The following PALLD variants were observed in gnomAD, a reference collection of about 807,000 sequenced individuals.
The protein encoded by PALLD is palladin.
PALLD carries 61 observed loss-of-function variants against 123.5 expected under a neutral mutation model. That is an observed-to-expected ratio of 0.49 (90% CI 0.40 to 0.61). The LOEUF (loss-of-function observed/expected upper bound fraction) is 0.61, where lower values mean the gene tolerates loss of function less well. Ranked by LOEUF, PALLD falls within the 20% of genes least tolerant of loss-of-function variation. PALLD has a pLI of 0.00. For synonymous variants in PALLD, 465 were observed against 496.4 expected (o/e 0.94, Z 0.84); for missense variants, 1,273 against 1,377.0 (o/e 0.92, Z 1.20).
rs1436509422 is a variant in PALLD, at chr4:168,755,986, C to T, written c.1964+44063C>T. 1.8e-5 allele frequency: 3 copies of T among 164,098 alleles called. No homozygotes were observed. The East Asian group carries it at 5.6e-4, about 31-fold the overall frequency. 10.2% of individuals were successfully genotyped at this position (164,098 alleles called of 1,614,324 possible). ...AGAAAAAGCAGAGGCTCCAGATTGA[C>T]AAATGCTGAGAAGATGGGAATTGGC... is the stretch of plus-strand genomic sequence containing the variant. On this transcript the variant is annotated intron_variant, in intron 10 of 21. Transcript: ENST00000505667.
chr4:168,714,994 C>G (rs1400594304), intron 10 of PALLD, among the ~76,000 whole-genome samples: 1 of 152,120 alleles, frequency 6.6e-6, no homozygotes, highest in Non-Finnish European at 1.5e-5. Flanking sequence ...GCCCAGCCCC[C>G]ACCCTGTACT....
At chr4:168,598,392 C>G (rs758208868) in intron 2 of PALLD, 2 of 623,858 alleles carry the variant, frequency 3.2e-6, no homozygotes, top group Admixed American at 1.9e-5. Context: ...GTTAAGCTGT[C>G]AGCACCAAGC....
At chr4:168,507,018 C>T (rs1316409988) in intron 1 of PALLD, among the ~76,000 whole-genome samples, 1 of 152,126 alleles carries the variant, frequency 6.6e-6, no homozygotes, top group Non-Finnish European at 1.5e-5. Flanking sequence ...TAAAGTGCCA[C>T]CCATAGGCTA....
intron 13 of PALLD, 74 bp from the exon 14 acceptor site, chr4:168,898,419 T>C (rs746744278): frequency 1.2e-4 from 111 of 922,628 alleles, no homozygotes; most frequent in Non-Finnish European, 1.7e-4. Context: ...TAGGGCCTTA[T>C]TGGGGGGCAG....
At chr4:168,516,361 C>T (rs1159914451) in intron 2 of PALLD, among the ~76,000 whole-genome samples, 4 of 152,120 alleles carry the variant, frequency 2.6e-5, no homozygotes, top group Non-Finnish European at 5.9e-5. Context: ...TCCCTGTTCT[C>T]TCCACTCTTG....
At chr4:168,768,421 G>A (rs145710341) in intron 10 of PALLD, among the ~76,000 whole-genome samples, 3 of 152,244 alleles carry the variant, frequency 2.0e-5, no homozygotes, top group Non-Finnish European at 2.9e-5. Flanking sequence ...ATGATCAGAC[G>A]GTGGAATAAA....
chr4:168,504,593 CAAAA>C (rs60824764), intron 1 of PALLD, among the ~76,000 whole-genome samples: 130 of 136,500 alleles, frequency 9.5e-4, no homozygotes, highest in East Asian at 6.3e-3. Flanking sequence ...GACTCCAACT[CAAAA>C]AAAAAAAAAA....
intron 3 of PALLD, among the ~76,000 whole-genome samples, chr4:168,676,950 A>G (rs988244980): frequency 6.6e-6 from 1 of 152,076 alleles, no homozygotes; most frequent in Admixed American, 6.6e-5. Context: ...TGACATTTCC[A>G]CTGGCCAAAG....
chr4:168,701,281 C>T (rs921027418), intron 8 of PALLD, among the ~76,000 whole-genome samples: 5 of 152,248 alleles, frequency 3.3e-5, no homozygotes, highest in Non-Finnish European at 5.9e-5. Context: ...CCCATGTGCC[C>T]AGTGCTCAGA....
At chr4:168,761,157 G>A (rs1365717221) in intron 10 of PALLD, among the ~76,000 whole-genome samples, 1 of 152,192 alleles carries the variant, frequency 6.6e-6, no homozygotes, top group African/African-American at 2.4e-5. Flanking sequence ...GAACGCTGCT[G>A]TGGAGGAAGA....
At chr4:168,850,141 C>T (rs1349269004) in intron 10 of PALLD, among the ~76,000 whole-genome samples, 1 of 152,090 alleles carries the variant, frequency 6.6e-6, no homozygotes, top group Non-Finnish European at 1.5e-5. Flanking sequence ...CAGGAAACTT[C>T]ATCTGCCTAG....
In PALLD at chr4:168,697,337, G is replaced by T. The variant is rs139095165; in HGVS notation, c.1501+6045G>T. On this transcript the variant is annotated intron_variant, in intron 8 of 21. Transcript: ENST00000505667. ...TCCAGAAAGGACAAGATGTAGAGGT[G>T]GGGTACAGGAAGCAGGAGATCACAT... 5.9e-5 allele frequency among the ~76,000 whole-genome samples: 9 copies of T among 152,354 alleles called. No homozygotes were observed. In the East Asian group the frequency reaches 1.7e-3, roughly 29 times the overall value.
intron 10 of PALLD, among the ~76,000 whole-genome samples, chr4:168,719,006 C>T (rs1403138138): frequency 6.7e-6 from 1 of 149,984 alleles, no homozygotes; most frequent in Non-Finnish European, 1.5e-5. Context: ...CTCCTGGGTT[C>T]AAGTAATTCT....
At chr4:168,534,041 A>T (rs1467855462) in intron 2 of PALLD, among the ~76,000 whole-genome samples, 1 of 152,230 alleles carries the variant, frequency 6.6e-6, no homozygotes, top group African/African-American at 2.4e-5. Flanking sequence ...GTTCTCATAC[A>T]GGCATCTCTT....
At chr4:168,531,390 A>T (rs1330877473) in intron 2 of PALLD, among the ~76,000 whole-genome samples, 1 of 152,222 alleles carries the variant, frequency 6.6e-6, no homozygotes, top group Non-Finnish European at 1.5e-5. Context: ...TTTGGACAGG[A>T]TATCCCAGGT....
At chr4:168,565,423 G>A (rs753448743) in intron 2 of PALLD, among the ~76,000 whole-genome samples, 13 of 152,110 alleles carry the variant, frequency 8.5e-5, no homozygotes, top group African/African-American at 1.2e-4. Context: ...CTCTGCAGGA[G>A]GCTTAGAGAT....
At chr4:168,903,728 T>C in intron 14 of PALLD, 29 bp from the exon 15 acceptor site, 2 of 1,589,472 alleles carry the variant, frequency 1.3e-6, no homozygotes, top group Non-Finnish European at 1.7e-6. Flanking sequence ...CACAAACTCC[T>C]AATCTTTAAT....
chr4:168,720,767 A>G (rs1273789598), intron 10 of PALLD, among the ~76,000 whole-genome samples: 1 of 152,246 alleles, frequency 6.6e-6, no homozygotes, highest in Non-Finnish European at 1.5e-5. Flanking sequence ...AGGTATTTGC[A>G]TTAGCAGTGT....
intron 10 of PALLD, among the ~76,000 whole-genome samples, chr4:168,839,381 T>C (rs530910466): frequency 1.3e-5 from 2 of 152,274 alleles, no homozygotes; most frequent in East Asian, 3.9e-4. Flanking sequence ...CATGACTCCT[T>C]CTTGGCTGGC....
Sources: gnomAD v4.1 joint callset for allele counts (sites outside exome capture counted in the v4.1 genomes callset) on GRCh38, gnomAD v4.1.1 for gene constraint, MANE v1.5 for transcripts, NCBI Gene and HGNC (gene_info 2026-07-23, HGNC 2026-07-21) for gene names.